The following NALF1 variants were observed in gnomAD, a reference collection of about 807,000 sequenced individuals.
NALF1 encodes family with sequence similarity 155 member A.
A neutral mutation model predicts 48.4 loss-of-function variants in NALF1; 3 were observed. The ratio of observed to expected loss-of-function variants is 0.06; its 90% CI spans 0.03 to 0.16. The LOEUF is 0.16. Among genes scored for constraint, NALF1 ranks in the 10% least tolerant of loss-of-function variants. The pLI is 1.00. For missense variants in NALF1, 526 were observed against 571.5 expected (o/e 0.92, Z 0.81); for synonymous variants, 262 against 245.7 (o/e 1.07, Z -0.62).
intron 1 of NALF1, among the ~76,000 whole-genome samples, chr13:107,781,260 T>C (rs967533915): frequency 6.6e-6 from 1 of 152,224 alleles, no homozygotes; most frequent in African/African-American, 2.4e-5. Flanking sequence ...ATTTAATAAA[T>C]CTTTAACATA....
intron 1 of NALF1, among the ~76,000 whole-genome samples, chr13:107,400,351 T>C (rs973590017): frequency 6.6e-6 from 1 of 152,130 alleles, no homozygotes; most frequent in Non-Finnish European, 1.5e-5. Flanking sequence ...AATTAGAGAA[T>C]AAATATCAAC....
intron 1 of NALF1, among the ~76,000 whole-genome samples, chr13:107,826,283 TTG>T (rs1337822417): frequency 6.6e-6 from 1 of 150,606 alleles, no homozygotes; most frequent in African/African-American, 2.5e-5. Context: ...GTGCATGTAT[TTG>T]TGTGTGTGTG....
intron 1 of NALF1, among the ~76,000 whole-genome samples, chr13:107,293,888 G>A (rs1367879820): frequency 5.3e-5 from 8 of 152,164 alleles, no homozygotes; most frequent in East Asian, 1.9e-4. Flanking sequence ...GAAAACAACC[G>A]TATTGTTTTA....
In NALF1 at chr13:107,795,886, C is replaced by A. The variant is rs537291677; in HGVS notation, c.915+69796G>T. Among the ~76,000 whole-genome samples, 37 of 152,290 alleles carry A rather than the reference C, an allele frequency of 2.4e-4. No homozygotes were observed. In the South Asian group the frequency reaches 7.7e-3, roughly 32 times the overall value. On this transcript the variant is annotated intron_variant, in intron 1 of 2. Coordinates refer to ENST00000375915, the MANE Select transcript of NALF1 (RefSeq NM_001080396.3). ...TGAGGAATAATCCCCAAACACCATT[C>A]TCTTGCCTTGTTAAACATACATTTT...
At chr13:107,237,185 CTT>C (rs927489342) in intron 1 of NALF1, among the ~76,000 whole-genome samples, 6 of 150,150 alleles carry the variant, frequency 4.0e-5, no homozygotes, top group African/African-American at 7.4e-5. Context: ...AGACTAGAAA[CTT>C]AATTATTTTG....
At chr13:107,353,645 A>G (rs553081408) in intron 1 of NALF1, among the ~76,000 whole-genome samples, 2 of 152,342 alleles carry the variant, frequency 1.3e-5, no homozygotes, top group Admixed American at 1.3e-4. Flanking sequence ...TCTGCCTGCT[A>G]TAAGACTCAG....
At position 107,170,586 on chromosome 13, in the gene NALF1, CTG is replaced by C; in HGVS notation, c.1286_1287del (p.Thr429SerfsTer28). 1 of 1,614,190 alleles carries C rather than the reference CTG, an allele frequency of 6.2e-7. No homozygotes were observed. The highest frequency in any genetic ancestry group is 1.7e-5 in the Admixed American group (1 of 60,012). Reference sequence around the variant, plus strand: ...TTCTGTGCTGCCGAGGCTGTGAGCACTGTGTGTAAGAGAATCAGTACAAGAAC... The same window carrying C: ...TTCTGTGCTGCCGAGGCTGTGAGCACTGTGTAAGAGAATCAGTACAAGAAC... Reference protein sequence around the residue: ...LCVLVLILLHTVLTASAAQNT... With the variant: ...LCVLVLILLHXVLTASAAQNT... On this transcript the variant is annotated frameshift_variant, in exon 3 of 3. Coordinates refer to ENST00000375915, the MANE Select transcript of NALF1 (RefSeq NM_001080396.3). LOFTEE classifies it high-confidence loss of function.
chr13:107,501,334 CA>C (rs1025778819), intron 1 of NALF1, among the ~76,000 whole-genome samples: 5 of 152,158 alleles, frequency 3.3e-5, no homozygotes, highest in Non-Finnish European at 5.9e-5. Context: ...CCAACCCAGG[CA>C]AATGCATTCA....
At chr13:107,683,530 TTAGG>T (rs1418854902) in intron 1 of NALF1, among the ~76,000 whole-genome samples, 4 of 152,200 alleles carry the variant, frequency 2.6e-5, no homozygotes, top group Non-Finnish European at 5.9e-5. Context: ...TAACCGAGCA[TTAGG>T]TCTTCCTGTT....
At chr13:107,556,421 A>G (rs1023028111) in intron 1 of NALF1, among the ~76,000 whole-genome samples, 1 of 151,954 alleles carries the variant, frequency 6.6e-6, no homozygotes, top group Non-Finnish European at 1.5e-5. Flanking sequence ...TTCCTTTAAC[A>G]TTAAAACTCG....
intron 1 of NALF1, among the ~76,000 whole-genome samples, chr13:107,400,883 C>A (rs930716312): frequency 6.6e-6 from 1 of 151,826 alleles, no homozygotes; most frequent in Admixed American, 6.6e-5. Flanking sequence ...ATTCACTGGG[C>A]CAGTTTAGAT....
chr13:107,437,209 G>A (rs1884476543), intron 1 of NALF1, among the ~76,000 whole-genome samples: 1 of 151,982 alleles, frequency 6.6e-6, no homozygotes, highest in African/African-American at 2.4e-5. Flanking sequence ...CTCAACAAAA[G>A]GGCAATATTT....
rs575786361 is a variant in NALF1, at chr13:107,453,607, A to T, written c.916-242852T>A. Among the ~76,000 whole-genome samples, 16 of 152,330 alleles carry T rather than the reference A, an allele frequency of 1.1e-4. No individual in the cohort carries two copies. The South Asian group carries it at 3.3e-3, about 32-fold the overall frequency. ...GGACAGGCTACCATGAAGACTTCTG[A>T]CATGCCCTGGAGACATTTTCCCCAT... On this transcript the variant is annotated intron_variant, in intron 1 of 2. Coordinates refer to ENST00000375915, the MANE Select transcript of NALF1 (RefSeq NM_001080396.3).
chr13:107,434,188 T>C (rs1424053667), intron 1 of NALF1, among the ~76,000 whole-genome samples: 1 of 152,188 alleles, frequency 6.6e-6, no homozygotes, highest in Non-Finnish European at 1.5e-5. Flanking sequence ...TCATTTTATA[T>C]TGAGTTGACC....
At chr13:107,432,680 A>G (rs1433582930) in intron 1 of NALF1, among the ~76,000 whole-genome samples, 1 of 152,150 alleles carries the variant, frequency 6.6e-6, no homozygotes, top group Non-Finnish European at 1.5e-5. Context: ...TATGATGTCA[A>G]TGTAAATTTA....
At chr13:107,681,019 G>A (rs896309077) in intron 1 of NALF1, among the ~76,000 whole-genome samples, 3 of 151,668 alleles carry the variant, frequency 2.0e-5, no homozygotes, top group Non-Finnish European at 4.4e-5. Flanking sequence ...TTTTTTAAGT[G>A]CACATTTCAC....
chr13:107,489,897 A>G (rs532887964), intron 1 of NALF1, among the ~76,000 whole-genome samples: 1 of 152,322 alleles, frequency 6.6e-6, no homozygotes, highest in Non-Finnish European at 1.5e-5. Context: ...TTTACAAGAA[A>G]AAAACAACTC....
intron 1 of NALF1, among the ~76,000 whole-genome samples, chr13:107,409,764 C>T (rs1346449651): frequency 2.6e-5 from 4 of 152,110 alleles, no homozygotes; most frequent in Admixed American, 2.6e-4. Context: ...CCACAGCTAC[C>T]CAGAAAGTAA....
intron 2 of NALF1, among the ~76,000 whole-genome samples, chr13:107,204,723 T>A (rs11843409): frequency 1.1e-4 from 16 of 152,222 alleles, no homozygotes; most frequent in African/African-American, 3.6e-4. Context: ...ATTTTTTAAA[T>A]TTTATTCTGG....
Sources: allele counts gnomAD v4.1 joint callset (sites outside exome capture counted in the v4.1 genomes callset), GRCh38; gene constraint gnomAD v4.1.1; transcripts MANE v1.5; gene names NCBI Gene and HGNC (gene_info 2026-07-23, HGNC 2026-07-21).